The following CCDC81 variants were observed in gnomAD, a reference collection of about 807,000 sequenced individuals.
The protein encoded by CCDC81 is coiled-coil domain containing 81, also known as coiled-coil domain-containing protein 81.
Under a neutral mutation model 83.7 loss-of-function variants are expected in CCDC81, and 79 were observed. The ratio of observed to expected loss-of-function variants is 0.94; its 90% confidence interval spans 0.79 to 1.14. The LOEUF (loss-of-function observed/expected upper bound fraction) is 1.14. CCDC81 is among the 50% of genes most tolerant of loss of function. CCDC81 has a pLI of 0.00. For missense variants in CCDC81, 791 were observed against 778.1 expected, an observed-to-expected ratio of 1.02 and a Z score of -0.20; for synonymous variants, 252 against 278.1, an observed-to-expected ratio of 0.91 and a Z score of 0.93.
chr11:86,417,499 C>T (rs1385658888), intron 13 of CCDC81, among the ~76,000 whole-genome samples: 1 of 151,820 alleles, frequency 6.6e-6, no homozygotes, highest in East Asian at 1.9e-4. Flanking sequence ...CTTTCTTTAA[C>T]CTAGCAATGT....
In CCDC81 at chr11:86,375,122, G is replaced by C; in HGVS notation, c.-42G>C. On this transcript the variant is annotated 5_prime_UTR_variant, in exon 1 of 15. Transcript: ENST00000445632. ...TGCACATTCCATATAAGAAAGAAGAGACCCATCGAACATTCAGTACGGAGT... is the reference window on the plus strand; with the variant it reads ...TGCACATTCCATATAAGAAAGAAGACACCCATCGAACATTCAGTACGGAGT... 1 of 1,513,030 alleles carries C rather than the reference G, an allele frequency of 6.6e-7. No individual in the cohort carries two copies. Among genetic ancestry groups the C allele is most frequent in the Non-Finnish European group, 9.2e-7 (1 of 1,088,562 alleles). The allele number at this position is 1,513,030 out of a possible 1,614,324, so 93.7% of individuals were successfully genotyped here.
At chr11:86,399,412 C>G (rs549833243) in intron 6 of CCDC81, among the ~76,000 whole-genome samples, 3 of 152,220 alleles carry the variant, frequency 2.0e-5, no homozygotes, top group African/African-American at 4.8e-5. Flanking sequence ...ACCTCTTGGG[C>G]TCAGGTGATC....
chr11:86,375,716 G>C (rs1252116585), intron 1 of CCDC81, among the ~76,000 whole-genome samples: 1 of 152,114 alleles, frequency 6.6e-6, no homozygotes, highest in Non-Finnish European at 1.5e-5. Context: ...CTTTGGAAGG[G>C]GACCTGGCAC....
At chr11:86,406,134 CCT>C (rs1344651859) in intron 7 of CCDC81, among the ~76,000 whole-genome samples, 1 of 152,126 alleles carries the variant, frequency 6.6e-6, no homozygotes, top group Non-Finnish European at 1.5e-5. Flanking sequence ...GTAATGGTTC[CCT>C]GTCTTTTCAG....
intron 3 of CCDC81, among the ~76,000 whole-genome samples, chr11:86,391,260 G>T (rs1013236273): frequency 6.6e-6 from 1 of 152,200 alleles, no homozygotes; most frequent in Non-Finnish European, 1.5e-5. Context: ...TTGTTAAATT[G>T]TGCAGGAGAC....
chr11:86,383,759 G>C (rs1341360262), intron 1 of CCDC81, among the ~76,000 whole-genome samples: 1 of 152,180 alleles, frequency 6.6e-6, no homozygotes. Context: ...GTCAAATTTA[G>C]AAATTACAGT....
chr11:86,419,829 C>A, intron 13 of CCDC81, 99 bp from the exon 14 acceptor site: 1 of 1,331,498 alleles, frequency 7.5e-7, no homozygotes, highest in Non-Finnish European at 1.0e-6. Context: ...TGAACAAAAC[C>A]AGAAGGTTTT....
At chr11:86,394,173 C>T (rs1948371967) in intron 4 of CCDC81, among the ~76,000 whole-genome samples, 1 of 152,238 alleles carries the variant, frequency 6.6e-6, no homozygotes, top group African/African-American at 2.4e-5. Flanking sequence ...TAGCTCATCT[C>T]TAACCCTCAG....
At chr11:86,401,103 A>C (rs1170490204) in intron 7 of CCDC81, among the ~76,000 whole-genome samples, 1 of 152,204 alleles carries the variant, frequency 6.6e-6, no homozygotes, top group Non-Finnish European at 1.5e-5. Flanking sequence ...TCCCAAATCT[A>C]CAAAACTTTC....
chr11:86,405,154 TC>T (rs1339066121), intron 7 of CCDC81, among the ~76,000 whole-genome samples: 1 of 152,194 alleles, frequency 6.6e-6, no homozygotes, highest in Non-Finnish European at 1.5e-5. Flanking sequence ...GGTATATTTT[TC>T]AGTAATTACA....
Position 86,386,061 on chromosome 11 carries a change from T to C in CCDC81, c.90T>C (p.Ile30=). Residue 30 remains isoleucine, a synonymous_variant, in exon 2 of 15, where the codon ATT becomes ATC. Coordinates refer to ENST00000445632, the MANE Select transcript of CCDC81 (RefSeq NM_001156474.2). The part of the protein sequence containing the change: ...LPSLSQEEVS[I]IWGNVSEFVR... Reference sequence around the variant, plus strand: ...ACTTTTGAATTTCAGAAGTCTCTATTATCTGGGGGAATGTATCAGAATTTG... The same window carrying C: ...ACTTTTGAATTTCAGAAGTCTCTATCATCTGGGGGAATGTATCAGAATTTG... The C allele has an allele frequency of 6.6e-7, 1 of 1,525,586 alleles. No individual in the cohort carries two copies. The highest frequency in any genetic ancestry group is 8.9e-7 in the Non-Finnish European group (1 of 1,122,226). The allele number at this position is 1,525,586 out of a possible 1,614,324, so 94.5% of individuals were successfully genotyped here.
At chr11:86,386,642 CTT>C (rs1444525099) in intron 2 of CCDC81, among the ~76,000 whole-genome samples, 1 of 152,176 alleles carries the variant, frequency 6.6e-6, no homozygotes, top group East Asian at 1.9e-4. Flanking sequence ...AGTTGTGGAA[CTT>C]TTATACCCCA....
chr11:86,413,805 C>A (rs1244266086), intron 11 of CCDC81, among the ~76,000 whole-genome samples: 3 of 152,090 alleles, frequency 2.0e-5, no homozygotes, highest in African/African-American at 7.2e-5. Context: ...GTACAGGGAA[C>A]ATAGGAAGGA....
chr11:86,395,340 G>A lies in CCDC81; in HGVS notation c.562G>A (p.Gly188Ser), dbSNP rs1271927159. ...ALAKALANRPGTVDSVLSSRE... is the reference protein window; with the variant it reads ...ALAKALANRPSTVDSVLSSRE... ...CTCTGTTGCTGTCCTCTAGAGGCCTGGCACTGTGGACTCGGTGTTGTCTAG... is the reference window on the plus strand; with the variant it reads ...CTCTGTTGCTGTCCTCTAGAGGCCTAGCACTGTGGACTCGGTGTTGTCTAG... Residue 188 changes from glycine to serine, a missense_variant, in exon 5 of 15, where the codon GGC becomes AGC. Gly to Ser is a moderately conservative substitution (Grantham distance 56). Transcript: ENST00000445632. 19 of 1,613,998 alleles carry A rather than the reference G, an allele frequency of 1.2e-5. No individual in the cohort carries two copies. Among genetic ancestry groups the A allele is most frequent in the South Asian group, 2.2e-5 (2 of 91,074 alleles).
At chr11:86,376,970 G>T (rs1948106668) in intron 1 of CCDC81, among the ~76,000 whole-genome samples, 1 of 152,076 alleles carries the variant, frequency 6.6e-6, no homozygotes, top group African/African-American at 2.4e-5. Context: ...CCAAAATCTG[G>T]AAACCACTGA....
chr11:86,383,332 A>G (rs1948198261), intron 1 of CCDC81, among the ~76,000 whole-genome samples: 1 of 152,226 alleles, frequency 6.6e-6, no homozygotes, highest in Non-Finnish European at 1.5e-5. Flanking sequence ...TTTTAATTTT[A>G]GAAGATAAGT....
intron 14 of CCDC81, among the ~76,000 whole-genome samples, chr11:86,421,394 C>T (rs1948787616): frequency 1.3e-5 from 2 of 152,038 alleles, no homozygotes. Context: ...ACTGCAAGCT[C>T]CGTCTCCTGG....
intron 10 of CCDC81, among the ~76,000 whole-genome samples, chr11:86,409,799 T>C (rs933483157): frequency 5.9e-5 from 9 of 152,172 alleles, no homozygotes; most frequent in Non-Finnish European, 1.5e-5. Context: ...GTGGTGCAGT[T>C]TGAAGCTTTC....
Position 86,375,174 on chromosome 11 carries a change from C to A in CCDC81, c.11C>A (p.Thr4Lys). The A allele has an allele frequency of 2.5e-6, 4 of 1,613,374 alleles. No homozygotes were observed. The highest frequency in any genetic ancestry group is 3.4e-6 in the Non-Finnish European group (4 of 1,179,752). The change falls in exon 1 of 15, where the codon ACG (threonine) becomes AAG (lysine). Residue 4 changes from threonine (T) to lysine (K), a missense_variant. Physicochemically the swap from Thr to Lys is moderately conservative, Grantham distance 78. Coordinates refer to ENST00000445632, the MANE Select transcript of CCDC81 (RefSeq NM_001156474.2). MLD[T>K]IARALQDLGR... ...ACCTGGAAATTGGAGATGTTGGATACGATCGCCCGTGCCCTGCAGGACCTG... is the reference window on the plus strand; with the variant it reads ...ACCTGGAAATTGGAGATGTTGGATAAGATCGCCCGTGCCCTGCAGGACCTG...
Sources: gnomAD v4.1 joint callset for allele counts (sites outside exome capture counted in the v4.1 genomes callset) on GRCh38, gnomAD v4.1.1 for gene constraint, MANE v1.5 for transcripts, NCBI Gene and HGNC (gene_info 2026-07-23, HGNC 2026-07-21) for gene names.